The following UMAD1 variants were observed in gnomAD, a reference collection of about 807,000 sequenced individuals.
UMAD1 encodes the protein UBAP1-MVB12-associated (UMA)-domain containing protein 1.
In UMAD1, 8 loss-of-function variants were observed where a neutral mutation model predicts 6.1. The observed-to-expected ratio is 1.30, with a 90% confidence interval of 0.76 to 2.35. UMAD1 has a LOEUF of 2.35. Ranked by LOEUF, UMAD1 falls within the 30% of genes most tolerant of loss-of-function variation. The pLI is 0.00. For synonymous variants in UMAD1, 56 were observed against 31.4 expected, an observed-to-expected ratio of 1.78 and a Z score of -2.61; for missense variants, 130 against 78.4, an observed-to-expected ratio of 1.66 and a Z score of -2.49.
At chr7:7,716,773 G>A (rs1009135976) in intron 2 of UMAD1, among the ~76,000 whole-genome samples, 3 of 152,172 alleles carry the variant, frequency 2.0e-5, no homozygotes, top group Non-Finnish European at 4.4e-5. Flanking sequence ...GTGAAACCCC[G>A]TCTCTACTAA....
At chr7:7,646,218 G>C (rs1321995251) in intron 1 of UMAD1, among the ~76,000 whole-genome samples, 2 of 152,174 alleles carry the variant, frequency 1.3e-5, no homozygotes, top group African/African-American at 4.8e-5. Context: ...GGAGGAATCA[G>C]GTTACATGGG....
chr7:7,837,994 T>G (rs1396140701), intron 3 of UMAD1, among the ~76,000 whole-genome samples: 1 of 152,128 alleles, frequency 6.6e-6, no homozygotes, highest in Non-Finnish European at 1.5e-5. Context: ...ATATGACACT[T>G]CTAATGTTGT....
intron 3 of UMAD1, among the ~76,000 whole-genome samples, chr7:7,817,260 A>G (rs904963334): frequency 6.6e-6 from 1 of 152,138 alleles, no homozygotes; most frequent in Non-Finnish European, 1.5e-5. Context: ...CACCTTGTAC[A>G]TCTGACCAGG....
At chr7:7,732,570 C>T (rs1236006944) in intron 2 of UMAD1, among the ~76,000 whole-genome samples, 1 of 152,162 alleles carries the variant, frequency 6.6e-6, no homozygotes, top group Non-Finnish European at 1.5e-5. Flanking sequence ...TAGACTTCAA[C>T]ATAACCACCA....
At chr7:7,695,583 A>G (rs1222407544) in intron 2 of UMAD1, among the ~76,000 whole-genome samples, 1 of 152,176 alleles carries the variant, frequency 6.6e-6, no homozygotes, top group Non-Finnish European at 1.5e-5. Flanking sequence ...CTTTGGCACT[A>G]GCAGCCGTAA....
chr7:7,856,527 A>T (rs1262617102), intron 3 of UMAD1, among the ~76,000 whole-genome samples: 1 of 152,220 alleles, frequency 6.6e-6, no homozygotes, highest in African/African-American at 2.4e-5. Flanking sequence ...ACATATGGGG[A>T]TTGTGGAGAT....
chr7:7,841,690 G>A (rs971642184), intron 3 of UMAD1, among the ~76,000 whole-genome samples: 1 of 152,142 alleles, frequency 6.6e-6, no homozygotes, highest in Non-Finnish European at 1.5e-5. Flanking sequence ...TGGCATGCAA[G>A]CAGCTTAGAA....
At chr7:7,827,911 G>A (rs922681965) in intron 3 of UMAD1, among the ~76,000 whole-genome samples, 5 of 152,102 alleles carry the variant, frequency 3.3e-5, no homozygotes, top group Non-Finnish European at 7.4e-5. Context: ...CTTCTTATAG[G>A]TTGTTCATAG....
chr7:7,789,429 T>G (rs1417520035), intron 2 of UMAD1, among the ~76,000 whole-genome samples: 1 of 151,884 alleles, frequency 6.6e-6, no homozygotes, highest in Admixed American at 6.5e-5. Context: ...CAATTTATTG[T>G]TTTAAATAGA....
intron 2 of UMAD1, among the ~76,000 whole-genome samples, chr7:7,735,148 C>T (rs1265707168): frequency 6.6e-6 from 1 of 151,988 alleles, no homozygotes; most frequent in African/African-American, 2.4e-5. Context: ...GTGATTATGC[C>T]TTAAATTAAT....
At chr7:7,684,578 T>C (rs949121939) in intron 2 of UMAD1, among the ~76,000 whole-genome samples, 1 of 152,186 alleles carries the variant, frequency 6.6e-6, no homozygotes, top group African/African-American at 2.4e-5. Flanking sequence ...GAGGAACTCA[T>C]GGATACGGAG....
chr7:7,827,022 T>G (rs962929570), intron 3 of UMAD1, among the ~76,000 whole-genome samples: 2 of 151,842 alleles, frequency 1.3e-5, no homozygotes, highest in East Asian at 3.8e-4. Flanking sequence ...ATTCAGAAAA[T>G]ATTTATAGTA....
intron 3 of UMAD1, among the ~76,000 whole-genome samples, chr7:7,819,483 G>A (rs999209953): frequency 6.6e-6 from 1 of 152,070 alleles, no homozygotes; most frequent in Non-Finnish European, 1.5e-5. Flanking sequence ...CACACGCTGG[G>A]AGCCTGCAGA....
intron 3 of UMAD1, among the ~76,000 whole-genome samples, chr7:7,853,186 A>G (rs6971178): frequency 0.055 from 8,383 of 152,284 alleles, 616 homozygotes; most frequent in East Asian, 0.24. Context: ...TCATTGATCT[A>G]TATCTCTCTG....
intron 3 of UMAD1, among the ~76,000 whole-genome samples, chr7:7,810,361 GT>G (rs1411823988): frequency 6.6e-6 from 1 of 151,976 alleles, no homozygotes; most frequent in Non-Finnish European, 1.5e-5. Context: ...TTAGGATTCT[GT>G]TCTAAGAAAA....
chr7:7,819,888 G>T (rs1327666161), intron 3 of UMAD1, among the ~76,000 whole-genome samples: 1 of 152,168 alleles, frequency 6.6e-6, no homozygotes, highest in African/African-American at 2.4e-5. Context: ...ATGAGGCTCT[G>T]TTAAACTCTG....
intron 2 of UMAD1, among the ~76,000 whole-genome samples, chr7:7,797,698 T>A (rs1277686658): frequency 6.6e-6 from 1 of 152,030 alleles, no homozygotes; most frequent in Admixed American, 6.6e-5. Context: ...AACATTTTTT[T>A]TTTTTTTTGA....
chr7:7,847,821 G>A (rs140965918), intron 3 of UMAD1, among the ~76,000 whole-genome samples: 1 of 152,236 alleles, frequency 6.6e-6, no homozygotes, highest in East Asian at 1.9e-4. Context: ...AAAATGCTGG[G>A]ATTACAGGCA....
chr7:7,867,713 C>T (rs1444636336), intron 3 of UMAD1, among the ~76,000 whole-genome samples: 1 of 151,824 alleles, frequency 6.6e-6, no homozygotes, highest in Non-Finnish European at 1.5e-5. Context: ...TGGTCTCAGC[C>T]TCGCTGTGAA....
Sources: allele counts gnomAD v4.1 joint callset (sites outside exome capture counted in the v4.1 genomes callset), GRCh38; gene constraint gnomAD v4.1.1; transcripts MANE v1.5; gene names NCBI Gene and HGNC (gene_info 2026-07-23, HGNC 2026-07-21).